The following LTBP1 variants were observed in gnomAD, a reference collection of about 807,000 sequenced individuals.
LTBP1 encodes latent-transforming growth factor beta-binding protein 1.
LTBP1 carries 129 observed loss-of-function variants against 207.6 expected under a neutral mutation model. That is an observed-to-expected ratio of 0.62 (90% confidence interval 0.54 to 0.72). LTBP1 has a LOEUF of 0.72. LTBP1 is among the 30% of genes least tolerant of loss of function. The pLI is 0.00. For synonymous variants in LTBP1, 963 were observed against 833.7 expected, an observed-to-expected ratio of 1.16 and a Z score of -2.67; for missense variants, 2,281 against 2,217.2, an observed-to-expected ratio of 1.03 and a Z score of -0.58.
intron 18 of LTBP1, 81 bp downstream of exon 18, chr2:33,276,004 C>G: frequency 6.7e-7 from 1 of 1,484,180 alleles, no homozygotes; most frequent in Non-Finnish European, 9.0e-7. Flanking sequence ...TTGTTTCCTT[C>G]CCACACTCAG....
intron 2 of LTBP1, among the ~76,000 whole-genome samples, chr2:32,972,752 T>C (rs886933593): frequency 6.6e-6 from 1 of 152,128 alleles, no homozygotes; most frequent in African/African-American, 2.4e-5. Context: ...AGTGGCAGTT[T>C]CCCCTGCACA....
At chr2:33,165,836 G>GA (rs1187588701) in intron 5 of LTBP1, among the ~76,000 whole-genome samples, 1 of 152,198 alleles carries the variant, frequency 6.6e-6, no homozygotes, top group African/African-American at 2.4e-5. Context: ...TACAGTTTTA[G>GA]AAGTGAATTG....
At chr2:33,381,404 CATT>C (rs1466059417) in intron 31 of LTBP1, among the ~76,000 whole-genome samples, 3 of 152,128 alleles carry the variant, frequency 2.0e-5, no homozygotes, top group Non-Finnish European at 4.4e-5. Context: ...AGGAGGGTAA[CATT>C]AGGTGAAGGT....
chr2:33,097,710 A>C (rs556483844), intron 3 of LTBP1, among the ~76,000 whole-genome samples: 3 of 152,274 alleles, frequency 2.0e-5, no homozygotes, highest in Non-Finnish European at 4.4e-5. Flanking sequence ...CTTAATAAAC[A>C]ATAAGGATAT....
intron 5 of LTBP1, among the ~76,000 whole-genome samples, chr2:33,152,599 A>G (rs922544889): frequency 1.3e-5 from 2 of 152,198 alleles, no homozygotes; most frequent in Admixed American, 6.5e-5. Flanking sequence ...TCATTATACG[A>G]AAAAAGATAT....
intron 3 of LTBP1, among the ~76,000 whole-genome samples, chr2:33,060,458 T>C (rs2077208979): frequency 6.6e-6 from 1 of 151,986 alleles, no homozygotes; most frequent in South Asian, 2.1e-4. Context: ...AAGCCCAAAG[T>C]ATTATTTTGC....
rs1156704606 is a variant in LTBP1 at position 32,947,391 on chromosome 2, G to C, written c.67G>C (p.Gly23Arg). 4 of 1,397,836 alleles carry C rather than the reference G, an allele frequency of 2.9e-6. No homozygotes were observed. Among genetic ancestry groups the C allele is most frequent in the African/African-American group, 1.5e-5 (1 of 66,482 alleles). 86.6% of individuals were successfully genotyped at this position (1,397,836 alleles called of 1,614,324 possible). ...AGGGCTCCTCGCGTCCTCGGCGCAC[G>C]GCCGGCTGCGGAGGATCACCTACGT... Reference protein sequence around the residue: ...WAGLLASSAHGRLRRITYVVH... With the variant: ...WAGLLASSAHRRLRRITYVVH... Residue 23 changes from glycine (G) to arginine (R), a missense_variant, in exon 1 of 34, where the codon GGC becomes CGC. Coordinates refer to ENST00000404816, the MANE Select transcript of LTBP1 (RefSeq NM_206943.4).
At chr2:33,176,967 G>T (rs1346366445) in intron 5 of LTBP1, among the ~76,000 whole-genome samples, 1 of 152,136 alleles carries the variant, frequency 6.6e-6, no homozygotes, top group Non-Finnish European at 1.5e-5. Context: ...GTGAATATAT[G>T]AATTCATTCA....
intron 5 of LTBP1, among the ~76,000 whole-genome samples, chr2:33,167,464 G>T (rs1448840994): frequency 1.3e-5 from 2 of 152,108 alleles, no homozygotes; most frequent in African/African-American, 4.8e-5. Flanking sequence ...TCCAAAAACT[G>T]TTTCTTTCTT....
At chr2:33,347,321 C>T (rs778222733) in intron 25 of LTBP1, 46 bp from the exon 26 acceptor site, 52 of 1,610,618 alleles carry the variant, frequency 3.2e-5, no homozygotes, top group Non-Finnish European at 4.2e-5. Context: ...AGAGAGCTGT[C>T]GTGAATGAGG....
In LTBP1 at chr2:33,197,235, T is replaced by C. The variant is rs181868653; in HGVS notation, c.1701+8384T>C. 3.4e-3 allele frequency among the ~76,000 whole-genome samples: 522 copies of C among 152,344 alleles called. 3 individuals carry two copies. The highest frequency in any genetic ancestry group is 0.012 in the African/African-American group (493 of 41,584). ...ATATAGGGTGACAGACAGGAGTGGT[T>C]TTCTTGAATATAAATCAAGTATGAA... is the stretch of plus-strand genomic sequence containing the variant. On this transcript the variant is annotated intron_variant, in intron 7 of 33. Coordinates refer to ENST00000404816, the MANE Select transcript of LTBP1 (RefSeq NM_206943.4).
chr2:33,106,355 C>G (rs1002191368), intron 3 of LTBP1, among the ~76,000 whole-genome samples: 1 of 152,166 alleles, frequency 6.6e-6, no homozygotes, highest in Admixed American at 6.5e-5. Context: ...AATGGCAAAT[C>G]CTTTCCAGAT....
At chr2:33,371,130 T>A (rs1039759498) in intron 31 of LTBP1, among the ~76,000 whole-genome samples, 1 of 152,188 alleles carries the variant, frequency 6.6e-6, no homozygotes, top group African/African-American at 2.4e-5. Context: ...AATTGCATAA[T>A]TGTAGAATTC....
rs1008038858 is a variant in LTBP1 at position 33,134,625 on chromosome 2, C to G, written c.1034-168C>G. The G allele has an allele frequency of 1.0e-5, 16 of 1,532,504 alleles. No individual in the cohort carries two copies. Among genetic ancestry groups the G allele is most frequent in the Non-Finnish European group, 1.3e-5 (15 of 1,138,952 alleles). The allele number at this position is 1,532,504 out of a possible 1,614,324, so 94.9% of individuals were successfully genotyped here. A position where few individuals can be genotyped will look rare whatever the true frequency, so the allele number is the denominator to read the frequency against. On this transcript the variant is annotated intron_variant, in intron 4 of 33. Coordinates refer to ENST00000404816, the MANE Select transcript of LTBP1 (RefSeq NM_206943.4). The surrounding 1 kb of genome is among the most constrained non-coding windows in gnomAD (Gnocchi z 4.4). ...ACACCACTGAATACAGAGCAGCGAG[C>G]ACTGAAGGCTTCCCTCTTTCCTTAA...
intron 2 of LTBP1, among the ~76,000 whole-genome samples, chr2:33,019,328 CTTTTTTTTTTTTTT>C (rs58570641): frequency 1.1e-5 from 1 of 87,672 alleles, no homozygotes; most frequent in African/African-American, 4.2e-5. Flanking sequence ...ATGTACACTT[CTTTTTTTTTTTTTT>C]TTTTTTTTTT....
intron 9 of LTBP1, among the ~76,000 whole-genome samples, chr2:33,234,387 G>T (rs945184379): frequency 6.6e-6 from 1 of 151,916 alleles, no homozygotes; most frequent in Admixed American, 6.6e-5. Context: ...GCACATTCAG[G>T]GTGGTATGGC....
rs990357953 is a variant in LTBP1 at position 33,134,394 on chromosome 2, A to G, written c.1034-399A>G. 1 of 497,436 alleles carries G rather than the reference A, an allele frequency of 2.0e-6. No homozygotes were observed. The highest frequency in any genetic ancestry group is 2.0e-5 in the African/African-American group (1 of 50,902). The allele number at this position is 497,436 out of a possible 1,614,324, so 30.8% of individuals were successfully genotyped here. ...AGGACACAAGAGTTTATTCACCGCT[A>G]GGTGCACGGCCAACCCCTTTGCATT... On this transcript the variant is annotated intron_variant, in intron 4 of 33. Transcript: ENST00000404816. The surrounding 1 kb of genome is among the most constrained non-coding windows in gnomAD (Gnocchi z 4.4).
At chr2:33,163,584 G>C (rs1230133868) in intron 5 of LTBP1, among the ~76,000 whole-genome samples, 1 of 152,114 alleles carries the variant, frequency 6.6e-6, no homozygotes, top group Non-Finnish European at 1.5e-5. Context: ...AGAGTAGAGT[G>C]ACTATAGTTA....
intron 2 of LTBP1, among the ~76,000 whole-genome samples, chr2:32,977,990 ACTTT>A (rs984852886): frequency 1.3e-5 from 2 of 152,140 alleles, no homozygotes; most frequent in Non-Finnish European, 2.9e-5. Flanking sequence ...AATTGGGATT[ACTTT>A]CTTGATTTCT....
Sources: allele counts gnomAD v4.1 joint callset (sites outside exome capture counted in the v4.1 genomes callset), GRCh38; gene constraint gnomAD v4.1.1; non-coding constraint Gnocchi (gnomAD v3.1); transcripts MANE v1.5; gene names NCBI Gene and HGNC (gene_info 2026-07-23, HGNC 2026-07-21).